The following SESN1 variants were observed in gnomAD, a reference collection of about 807,000 sequenced individuals.
The protein encoded by SESN1 is sestrin-1.
A neutral mutation model predicts 59.3 loss-of-function variants in SESN1; 30 were observed. That is an observed-to-expected ratio of 0.51 (90% confidence interval 0.38 to 0.69). The LOEUF (loss-of-function observed/expected upper bound fraction) is 0.69, where lower values mean the gene tolerates loss of function less well. Ranked by LOEUF, SESN1 falls within the 30% of genes least tolerant of loss-of-function variation. SESN1 has a pLI of 0.00. For synonymous variants in SESN1, 197 were observed against 219.9 expected, an observed-to-expected ratio of 0.90 and a Z score of 0.92; for missense variants, 566 against 673.0, an observed-to-expected ratio of 0.84 and a Z score of 1.76.
At position 108,992,904 on chromosome 6, in the gene SESN1, G is replaced by T. The variant is rs759386462; in HGVS notation, c.1121-5C>A. On this transcript the variant is annotated splice_polypyrimidine_tract_variant and splice_region_variant and intron_variant, in intron 6 of 9. Transcript: ENST00000436639. ...CTGGTGTAACTTCTTCATCATCTGG[G>T]AAAAAAGGCCATTGAAAGGTTTTTA... The T allele has an allele frequency of 2.5e-6, 4 of 1,579,932 alleles. No individual in the cohort carries two copies. In the Admixed American group the frequency reaches 6.8e-5, roughly 27 times the overall value.
intron 1 of SESN1, among the ~76,000 whole-genome samples, chr6:109,071,487 G>C (rs1780934018): frequency 6.6e-6 from 1 of 151,858 alleles, no homozygotes; most frequent in Admixed American, 6.6e-5. Flanking sequence ...CTTCCTCGAG[G>C]TTAGACAGGC....
intron 1 of SESN1, among the ~76,000 whole-genome samples, chr6:109,038,768 A>G (rs1220891462): frequency 2.6e-5 from 4 of 152,202 alleles, no homozygotes; most frequent in Admixed American, 1.3e-4. Flanking sequence ...AAGTGTATGA[A>G]TGAGGTAACT....
In SESN1 at chr6:108,992,898, A is replaced by G. The variant is rs137974720; in HGVS notation, c.1122T>C (p.Asp374=). 6.3e-7 allele frequency: 1 copy of G among 1,599,596 alleles called. No homozygotes were observed. The highest frequency in any genetic ancestry group is 1.3e-5 in the African/African-American group (1 of 74,530). The change falls in exon 7 of 10, where the codon GAT becomes GAC. Residue 374 remains aspartate (D), a splice_region_variant and synonymous_variant. Coordinates refer to ENST00000436639, the MANE Select transcript of SESN1 (RefSeq NM_014454.3). Reference sequence around the variant, plus strand: ...CTCTTGCTGGTGTAACTTCTTCATCATCTGGGAAAAAAGGCCATTGAAAGG... The same window carrying G: ...CTCTTGCTGGTGTAACTTCTTCATCGTCTGGGAAAAAAGGCCATTGAAAGG... ...KRESMFVFSS[D]DEEVTPARAV...
intron 1 of SESN1, among the ~76,000 whole-genome samples, chr6:109,058,263 T>C (rs536623779): frequency 2.0e-5 from 3 of 152,100 alleles, no homozygotes; most frequent in Non-Finnish European, 4.4e-5. Context: ...TTTTGTATTT[T>C]TGTAGAGATG....
rs572098144 is a variant in SESN1, at chr6:109,054,565, C to T, written c.279+39230G>A. On this transcript the variant is annotated intron_variant, in intron 1 of 9. Transcript: ENST00000436639. The stretch of plus-strand genomic sequence containing the variant: ...TCATTTTATAACATCCTGACCTACA[C>T]GAGGATTATCTCCTGAAGGACAATC... Among the ~76,000 whole-genome samples, 390 of 152,182 alleles carry T rather than the reference C, an allele frequency of 2.6e-3. 1 individual carries two copies. The highest frequency in any genetic ancestry group is 4.8e-3 in the Non-Finnish European group (324 of 67,982).
At chr6:109,048,121 A>G (rs954729623) in intron 1 of SESN1, among the ~76,000 whole-genome samples, 2 of 151,834 alleles carry the variant, frequency 1.3e-5, no homozygotes, top group Non-Finnish European at 2.9e-5. Flanking sequence ...AAAAAAATCT[A>G]ATGCAATATT....
At chr6:109,049,670 T>TA (rs1417266348) in intron 1 of SESN1, among the ~76,000 whole-genome samples, 5 of 150,758 alleles carry the variant, frequency 3.3e-5, no homozygotes, top group Non-Finnish European at 7.4e-5. Context: ...AGTTAAAAAA[T>TA]AAAAAATAAA....
chr6:109,051,719 T>C (rs1490641161), intron 1 of SESN1, among the ~76,000 whole-genome samples: 2 of 152,234 alleles, frequency 1.3e-5, no homozygotes, highest in East Asian at 3.8e-4. Flanking sequence ...GGGTAATTTA[T>C]TTAAAAAATC....
At chr6:108,987,761 T>C in intron 9 of SESN1, 131 bp from the exon 10 acceptor site, 1 of 485,584 alleles carries the variant, frequency 2.1e-6, no homozygotes, top group South Asian at 3.5e-5. Context: ...TAACTTAGCC[T>C]TGGGTTTGTT....
chr6:109,086,993 G>A (rs1781223290), intron 1 of SESN1, among the ~76,000 whole-genome samples: 1 of 152,106 alleles, frequency 6.6e-6, no homozygotes, highest in Non-Finnish European at 1.5e-5. Context: ...TTAGCTGGGC[G>A]TGGTGGCGCC....
chr6:108,999,132 G>T (rs1284957502), intron 4 of SESN1: 6 of 162,312 alleles, frequency 3.7e-5, no homozygotes, highest in Non-Finnish European at 6.7e-5. Context: ...AGAAGCTGCT[G>T]TGTGAAACGC....
At chr6:109,080,572 A>G (rs1292085143) in intron 1 of SESN1, among the ~76,000 whole-genome samples, 2 of 152,224 alleles carry the variant, frequency 1.3e-5, no homozygotes, top group Admixed American at 6.5e-5. Context: ...ATGCAACTTA[A>G]TAACATCTGA....
intron 1 of SESN1, among the ~76,000 whole-genome samples, chr6:109,082,430 A>G (rs1205354429): frequency 6.6e-6 from 1 of 152,210 alleles, no homozygotes; most frequent in Admixed American, 6.5e-5. Flanking sequence ...TAACTTGCCC[A>G]GTCACACAGT....
chr6:108,985,373 G>A lies in SESN1; in HGVS notation c.*2171C>T, dbSNP rs1486661221. Among the ~76,000 whole-genome samples, 1 of 152,016 alleles carries A rather than the reference G, an allele frequency of 6.6e-6. No homozygotes were observed. Among genetic ancestry groups the A allele is most frequent in the African/African-American group, 2.4e-5 (1 of 41,378 alleles). ...TTAGAAGAAAATTTTCCTCTGGTTG[G>A]GGAAGGTTTTGATATCCCCAGTGTA... On this transcript the variant is annotated 3_prime_UTR_variant, in exon 10 of 10. Transcript: ENST00000436639.
At chr6:109,082,075 C>T (rs920101665) in intron 1 of SESN1, among the ~76,000 whole-genome samples, 2 of 152,126 alleles carry the variant, frequency 1.3e-5, no homozygotes, top group African/African-American at 4.8e-5. Context: ...CCTGAAGACA[C>T]GTTGAAATTT....
chr6:109,092,030 G>A (rs1781323515), intron 1 of SESN1, among the ~76,000 whole-genome samples: 1 of 152,160 alleles, frequency 6.6e-6, no homozygotes, highest in African/African-American at 2.4e-5. Flanking sequence ...TAAGTAAATT[G>A]CCTTTTATAA....
At chr6:109,087,797 A>C (rs984295163) in intron 1 of SESN1, among the ~76,000 whole-genome samples, 1 of 152,220 alleles carries the variant, frequency 6.6e-6, no homozygotes, top group Non-Finnish European at 1.5e-5. Context: ...AAAATGAATT[A>C]AGTATGCTTC....
At chr6:109,019,815 TTA>T (rs1779982001) in intron 1 of SESN1, among the ~76,000 whole-genome samples, 1 of 152,228 alleles carries the variant, frequency 6.6e-6, no homozygotes. Flanking sequence ...AGAACTTGCT[TTA>T]TGTCAATAAA....
At chr6:109,084,864 GGTT>G (rs1781186363) in intron 1 of SESN1, among the ~76,000 whole-genome samples, 1 of 151,888 alleles carries the variant, frequency 6.6e-6, no homozygotes, top group Non-Finnish European at 1.5e-5. Flanking sequence ...ACAAACTAAA[GGTT>G]GTTTTTAATC....
Sources: allele counts gnomAD v4.1 joint callset (sites outside exome capture counted in the v4.1 genomes callset), GRCh38; gene constraint gnomAD v4.1.1; transcripts MANE v1.5; gene names NCBI Gene and HGNC (gene_info 2026-07-23, HGNC 2026-07-21).